Variants in SPAG6 observed in about 807,000 individuals in gnomAD.
SPAG6 encodes sperm associated antigen 6.
Under a neutral mutation model 58.5 loss-of-function variants are expected in SPAG6, and 49 were observed. That is an observed-to-expected ratio of 0.84 (90% confidence interval 0.67 to 1.06). The LOEUF (loss-of-function observed/expected upper bound fraction) is 1.06, where lower values mean the gene tolerates loss of function less well. SPAG6 is among the 50% of genes least tolerant of loss of function. The probability of loss-of-function intolerance (pLI) is 0.00; values close to 1 mark genes in which losing one functional copy is unlikely to be tolerated. For synonymous variants in SPAG6, 233 were observed against 225.6 expected, an observed-to-expected ratio of 1.03 and a Z score of -0.29; for missense variants, 560 against 611.3, an observed-to-expected ratio of 0.92 and a Z score of 0.89.
At chr10:22,407,322 G>C (rs1178597048) in intron 9 of SPAG6, among the ~76,000 whole-genome samples, 2 of 151,704 alleles carry the variant, frequency 1.3e-5, no homozygotes, top group African/African-American at 4.8e-5. Flanking sequence ...AGCTCTTTTA[G>C]GGCAGGCCTG....
rs1834337063 is a variant in SPAG6 at position 22,398,143 on chromosome 10, A to G, written c.1198-3018A>G. On this transcript the variant is annotated intron_variant, in intron 8 of 10. Transcript: ENST00000376624. The stretch of plus-strand genomic sequence containing the variant: ...TTTCACAAAGATGCCAAGGCAATTT[A>G]ATGTGGAAAGAATAGTCTTTTCAAC... 2.6e-5 allele frequency among the ~76,000 whole-genome samples: 4 copies of G among 152,372 alleles called. No individual in the cohort carries two copies. The South Asian group carries it at 8.3e-4, about 32-fold the overall frequency.
intron 9 of SPAG6, among the ~76,000 whole-genome samples, chr10:22,409,081 G>T (rs531751231): frequency 6.6e-6 from 1 of 152,144 alleles, no homozygotes; most frequent in African/African-American, 2.4e-5. Flanking sequence ...GAAATCACCC[G>T]TCCTCTTCAT....
At chr10:22,393,769 T>C (rs1834232286) in intron 8 of SPAG6, among the ~76,000 whole-genome samples, 1 of 152,176 alleles carries the variant, frequency 6.6e-6, no homozygotes, top group Non-Finnish European at 1.5e-5. Context: ...GTCTCGTGAA[T>C]TCTCTCAGTT....
At chr10:22,359,042 T>C (rs1187649322) in intron 2 of SPAG6, among the ~76,000 whole-genome samples, 1 of 152,198 alleles carries the variant, frequency 6.6e-6, no homozygotes, top group Non-Finnish European at 1.5e-5. Flanking sequence ...TCCTCTAGAT[T>C]CATGCTTTTT....
chr10:22,376,717 TCTC>T (rs1833823557), intron 4 of SPAG6, among the ~76,000 whole-genome samples: 3 of 152,082 alleles, frequency 2.0e-5, no homozygotes. Context: ...TGTTTAGTCT[TCTC>T]CTGTCTTATA....
In SPAG6 at chr10:22,391,638, G is replaced by A. The variant is rs564792341; in HGVS notation, c.1006-91G>A. 7.1e-5 allele frequency: 83 copies of A among 1,163,632 alleles called. 1 individual carries two copies. The East Asian group carries it at 8.3e-4, about 12-fold the overall frequency. 72.1% of individuals were successfully genotyped at this position (1,163,632 alleles called of 1,614,324 possible). ...ATTTAAGAAAAAAAGGATCAAGGCC[G>A]AAGTGATTTCTTCTCATGTTTGAGA... is the stretch of plus-strand genomic sequence containing the variant. On this transcript the variant is annotated intron_variant, in intron 7 of 10. Coordinates refer to ENST00000376624, the MANE Select transcript of SPAG6 (RefSeq NM_012443.4).
intron 9 of SPAG6, among the ~76,000 whole-genome samples, chr10:22,406,687 T>C (rs1384114126): frequency 6.6e-6 from 1 of 152,168 alleles, no homozygotes; most frequent in Non-Finnish European, 1.5e-5. Context: ...AATTCCTGGG[T>C]TTCCTTGTTT....
At chr10:22,408,798 G>C (rs1417178153) in intron 9 of SPAG6, among the ~76,000 whole-genome samples, 1 of 151,448 alleles carries the variant, frequency 6.6e-6, no homozygotes, top group South Asian at 2.1e-4. Flanking sequence ...ACTCTGTGGG[G>C]GTAGGACCCT....
rs138940409 is a variant in SPAG6, at chr10:22,373,200, A to C, written c.472+4522A>C. ...TGCGCCAGAGATGAGCAGCGCTTGCAGGGTCTGGCTGATGTGGACGTGACG... is the reference window on the plus strand; with the variant it reads ...TGCGCCAGAGATGAGCAGCGCTTGCCGGGTCTGGCTGATGTGGACGTGACG... On this transcript the variant is annotated intron_variant, in intron 4 of 10. Coordinates refer to ENST00000376624, the MANE Select transcript of SPAG6 (RefSeq NM_012443.4). 4.3e-3 allele frequency among the ~76,000 whole-genome samples: 661 copies of C among 152,282 alleles called. 6 individuals carry two copies. The highest frequency in any genetic ancestry group is 0.015 in the African/African-American group (639 of 41,554).
chr10:22,378,591 C>T (rs185482607), intron 4 of SPAG6, among the ~76,000 whole-genome samples: 22 of 151,944 alleles, frequency 1.4e-4, no homozygotes, highest in East Asian at 3.9e-4. Context: ...TCTTCTTTAC[C>T]GGGACACTCC....
At position 22,416,906 on chromosome 10, in the gene SPAG6, A is replaced by G. The variant is rs1442955939; in HGVS notation, c.*218A>G. Reference sequence around the variant, plus strand: ...TTCGCATGCATAGGATTTGTTCTACAGGTAGATTTTAAAAACACGTTAAAG... The same window carrying G: ...TTCGCATGCATAGGATTTGTTCTACGGGTAGATTTTAAAAACACGTTAAAG... On this transcript the variant is annotated 3_prime_UTR_variant, in exon 11 of 11. Transcript: ENST00000376624. 5.3e-6 allele frequency: 2 copies of G among 377,310 alleles called. No individual in the cohort carries two copies. Among genetic ancestry groups the G allele is most frequent in the Non-Finnish European group, 9.7e-6 (2 of 206,304 alleles). The allele number at this position is 377,310 out of a possible 1,614,324, so 23.4% of individuals were successfully genotyped here. A position where few individuals can be genotyped will look rare whatever the true frequency, so the allele number is the denominator to read the frequency against.
intron 9 of SPAG6, among the ~76,000 whole-genome samples, chr10:22,409,303 A>G (rs1441906226): frequency 1.3e-5 from 2 of 152,252 alleles, no homozygotes; most frequent in Non-Finnish European, 2.9e-5. Flanking sequence ...AAACCAATAT[A>G]TTTATAGAAT....
chr10:22,399,288 A>G (rs1405594095), intron 8 of SPAG6, among the ~76,000 whole-genome samples: 1 of 152,164 alleles, frequency 6.6e-6, no homozygotes, highest in Admixed American at 6.6e-5. Context: ...CCTCATGCCC[A>G]TTTGTAGTCA....
At chr10:22,354,449 C>G (rs1460338062) in intron 2 of SPAG6, among the ~76,000 whole-genome samples, 1 of 152,128 alleles carries the variant, frequency 6.6e-6, no homozygotes, top group Non-Finnish European at 1.5e-5. Flanking sequence ...TCTGAGATAT[C>G]CATGCGTCAG....
chr10:22,374,099 T>C (rs2132062163), intron 4 of SPAG6, among the ~76,000 whole-genome samples: 1 of 152,320 alleles, frequency 6.6e-6, no homozygotes, highest in East Asian at 1.9e-4. Context: ...TCTTGGCTAA[T>C]AAAATCTTCT....
chr10:22,369,307 A>G (rs2132055665), intron 4 of SPAG6, among the ~76,000 whole-genome samples: 1 of 152,208 alleles, frequency 6.6e-6, no homozygotes, highest in East Asian at 1.9e-4. Context: ...GATTGTGTTG[A>G]CTCACCCAAT....
intron 4 of SPAG6, among the ~76,000 whole-genome samples, chr10:22,371,288 C>G (rs930211097): frequency 1.3e-5 from 2 of 152,120 alleles, no homozygotes; most frequent in African/African-American, 4.8e-5. Context: ...GAGTCTTGCT[C>G]TGTCGCCCAG....
At chr10:22,414,746 G>T (rs868070663) in intron 10 of SPAG6, among the ~76,000 whole-genome samples, 57 of 152,048 alleles carry the variant, frequency 3.7e-4, no homozygotes, top group Admixed American at 9.2e-4. Flanking sequence ...TCTAAATACA[G>T]ACATACTAGC....
In SPAG6 at chr10:22,397,739, C is replaced by G. The variant is rs1175017192; in HGVS notation, c.1198-3422C>G. On this transcript the variant is annotated intron_variant, in intron 8 of 10. Coordinates refer to ENST00000376624, the MANE Select transcript of SPAG6 (RefSeq NM_012443.4). Reference sequence around the variant, plus strand: ...AATTAACAAAAGTTTAAGACTAGTACACTGAAAACTATAAAACATTACTTA... The same window carrying G: ...AATTAACAAAAGTTTAAGACTAGTAGACTGAAAACTATAAAACATTACTTA... 2.0e-5 allele frequency among the ~76,000 whole-genome samples: 3 copies of G among 152,192 alleles called. No individual in the cohort carries two copies. In the East Asian group the frequency reaches 5.8e-4, roughly 29 times the overall value.
Sources: allele counts gnomAD v4.1 joint callset (sites outside exome capture counted in the v4.1 genomes callset), GRCh38; gene constraint gnomAD v4.1.1; transcripts MANE v1.5; gene names NCBI Gene and HGNC (gene_info 2026-07-23, HGNC 2026-07-21).